The following ATP11B variants were observed in gnomAD, a reference collection of about 807,000 sequenced individuals.
ATP11B encodes ATPase phospholipid transporting 11B (putative), also known as phospholipid-transporting ATPase IF.
Under a neutral mutation model 157.8 loss-of-function variants are expected in ATP11B, and 81 were observed. That is an observed-to-expected ratio of 0.51 (90% CI 0.43 to 0.62). The LOEUF (loss-of-function observed/expected upper bound fraction) is 0.62, where lower values mean the gene tolerates loss of function less well. ATP11B is among the 20% of genes least tolerant of loss of function. The pLI, the probability that ATP11B is intolerant of heterozygous loss-of-function variation, is 0.00. For synonymous variants in ATP11B, 451 were observed against 469.4 expected, an observed-to-expected ratio of 0.96 and a Z score of 0.51; for missense variants, 1,165 against 1,402.2, an observed-to-expected ratio of 0.83 and a Z score of 2.70.
At chr3:182,913,792 T>C in intron 28 of ATP11B, 69 bp from the exon 29 acceptor site, 1 of 1,609,160 alleles carries the variant, frequency 6.2e-7, no homozygotes, top group South Asian at 1.1e-5. Context: ...GTGCTTGTTG[T>C]AATGTTCTAA....
At chr3:182,903,143 G>A (rs989147429) in intron 28 of ATP11B, among the ~76,000 whole-genome samples, 1 of 151,880 alleles carries the variant, frequency 6.6e-6, no homozygotes, top group African/African-American at 2.4e-5. Context: ...AATAGTTTAG[G>A]GATGCCTTTT....
At chr3:182,908,227 A>G (rs1351270708) in intron 28 of ATP11B, among the ~76,000 whole-genome samples, 1 of 104,340 alleles carries the variant, frequency 9.6e-6, no homozygotes, top group Admixed American at 1.4e-4. Context: ...TTTTTGAGCT[A>G]GACATAGGGT....
At chr3:182,868,852 C>T (rs1403803113) in intron 15 of ATP11B, among the ~76,000 whole-genome samples, 6 of 152,114 alleles carry the variant, frequency 3.9e-5, no homozygotes, top group Admixed American at 3.9e-4. Context: ...TATTAAATGA[C>T]ATAAGGTGTG....
chr3:182,900,380 T>C (rs539821948), intron 28 of ATP11B, among the ~76,000 whole-genome samples: 2 of 152,230 alleles, frequency 1.3e-5, no homozygotes, highest in Non-Finnish European at 2.9e-5. Flanking sequence ...CTGTATATAG[T>C]TGATCCTCAG....
intron 1 of ATP11B, among the ~76,000 whole-genome samples, chr3:182,809,475 C>T (rs1376817067): frequency 1.3e-5 from 2 of 152,206 alleles, no homozygotes; most frequent in Non-Finnish European, 2.9e-5. Flanking sequence ...TCTTGAACTC[C>T]TGGCCTCAAG....
intron 2 of ATP11B, among the ~76,000 whole-genome samples, chr3:182,821,365 C>G (rs1229990830): frequency 6.6e-6 from 1 of 152,090 alleles, no homozygotes; most frequent in East Asian, 1.9e-4. Flanking sequence ...CCTCGGCCTC[C>G]CAAAGTGCTG....
At chr3:182,824,378 T>G (rs910488354) in intron 2 of ATP11B, among the ~76,000 whole-genome samples, 1 of 152,196 alleles carries the variant, frequency 6.6e-6, no homozygotes, top group African/African-American at 2.4e-5. Context: ...TTGTTGTGTG[T>G]GGTAGGTGGA....
intron 4 of ATP11B, 43 bp from the exon 5 acceptor site, chr3:182,835,992 A>G (rs1335007700): frequency 6.6e-7 from 1 of 1,507,550 alleles, no homozygotes; most frequent in East Asian, 2.3e-5. Context: ...AGTATCTTCA[A>G]ATTATACTGA....
chr3:182,845,811 G>A (rs141764997), intron 9 of ATP11B, among the ~76,000 whole-genome samples: 18 of 152,264 alleles, frequency 1.2e-4, no homozygotes, highest in African/African-American at 4.3e-4. Flanking sequence ...AATGGTGGGT[G>A]AGAACCAATA....
At chr3:182,917,882 T>A in intron 29 of ATP11B, 141 bp from the exon 30 acceptor site, 1 of 1,344,208 alleles carries the variant, frequency 7.4e-7, no homozygotes, top group Non-Finnish European at 9.6e-7. Context: ...GGGCATTCGA[T>A]ACTAGTATGA....
intron 1 of ATP11B, among the ~76,000 whole-genome samples, chr3:182,804,736 T>A (rs1405243235): frequency 6.6e-6 from 1 of 152,176 alleles, no homozygotes; most frequent in African/African-American, 2.4e-5. Context: ...TTTAGGATAT[T>A]TTTTCTTCCC....
At chr3:182,914,518 G>A (rs1413274344) in intron 29 of ATP11B, 4 of 985,276 alleles carry the variant, frequency 4.1e-6, no homozygotes, top group Non-Finnish European at 4.8e-6. Context: ...CTCTTCTTAT[G>A]TCTGTAATGA....
At chr3:182,896,591 A>C in intron 25 of ATP11B, 109 bp from the exon 26 acceptor site, 1 of 873,760 alleles carries the variant, frequency 1.1e-6, no homozygotes, top group Non-Finnish European at 1.9e-6. Context: ...TTTCAAATGT[A>C]CCTGACTTAA....
At chr3:182,800,532 T>C (rs1338050045) in intron 1 of ATP11B, among the ~76,000 whole-genome samples, 2 of 152,040 alleles carry the variant, frequency 1.3e-5, no homozygotes, top group African/African-American at 4.8e-5. Flanking sequence ...CCAGACGATG[T>C]TTGTATTTAA....
intron 10 of ATP11B, among the ~76,000 whole-genome samples, chr3:182,857,490 A>G (rs1720492473): frequency 6.6e-6 from 1 of 152,138 alleles, no homozygotes; most frequent in South Asian, 2.1e-4. Flanking sequence ...AGATGTGACA[A>G]ACATTTTATA....
At chr3:182,881,539 C>G (rs1278828376) in intron 21 of ATP11B, among the ~76,000 whole-genome samples, 1 of 119,862 alleles carries the variant, frequency 8.3e-6, no homozygotes, top group Non-Finnish European at 1.8e-5. Context: ...GACTCTGTCT[C>G]AAAAAAAAAA....
At position 182,879,487 on chromosome 3, in the gene ATP11B, C is replaced by T. The variant is rs761567019; in HGVS notation, c.2253-9C>T. 6.3e-7 allele frequency: 1 copy of T among 1,589,944 alleles called. No homozygotes were observed. On this transcript the variant is annotated splice_polypyrimidine_tract_variant and intron_variant, in intron 19 of 29. Transcript: ENST00000323116. ...ATCTTACAGAGAATATAATTATTTT[C>T]TCTTTTAGAATTACAGAGGATCATG...
intron 8 of ATP11B, chr3:182,844,574 T>C (rs1160419008): frequency 1.0e-6 from 1 of 984,560 alleles, no homozygotes; most frequent in East Asian, 1.1e-4. Flanking sequence ...AGAAGACCTG[T>C]GCTTCAAGAA....
rs546811473 is a variant in ATP11B at position 182,850,420 on chromosome 3, C to G, written c.851+1863C>G. ...CCTGGGAGGCAGAGGTTGCAGTGAG[C>G]TGAGATCACGCCACTGCACTCCAGC... On this transcript the variant is annotated intron_variant, in intron 10 of 29. Transcript: ENST00000323116. Among the ~76,000 whole-genome samples, 128 of 152,174 alleles carry G rather than the reference C, an allele frequency of 8.4e-4. 1 individual carries two copies. Among genetic ancestry groups the G allele is most frequent in the African/African-American group, 2.9e-3 (122 of 41,510 alleles).
Sources: allele counts gnomAD v4.1 joint callset (sites outside exome capture counted in the v4.1 genomes callset), GRCh38; gene constraint gnomAD v4.1.1; transcripts MANE v1.5; gene names NCBI Gene and HGNC (gene_info 2026-07-23, HGNC 2026-07-21).